The following SOX6 variants were observed in gnomAD, a reference collection of about 807,000 sequenced individuals.
The protein encoded by SOX6 is SRY-box transcription factor 6.
In SOX6, 11 loss-of-function variants were observed where a neutral mutation model predicts 97.8. The observed-to-expected ratio is 0.11, with a 90% CI of 0.07 to 0.19. The LOEUF (loss-of-function observed/expected upper bound fraction) is 0.19. Among genes scored for constraint, SOX6 ranks in the 10% least tolerant of loss-of-function variants. The pLI, the probability that SOX6 is intolerant of heterozygous loss-of-function variation, is 1.00. For missense variants in SOX6, 810 were observed against 1,039.5 expected (o/e 0.78, Z 3.04); for synonymous variants, 360 against 371.4 (o/e 0.97, Z 0.35).
chr11:16,699,742 A>G (rs920342341), intron 3 of SOX6, among the ~76,000 whole-genome samples: 1 of 152,178 alleles, frequency 6.6e-6, no homozygotes, highest in Non-Finnish European at 1.5e-5. Flanking sequence ...CTTACATCAC[A>G]GAACATTCTT....
At chr11:16,322,980 AAAG>A (rs1187511331) in intron 2 of SOX6, among the ~76,000 whole-genome samples, 1 of 152,208 alleles carries the variant, frequency 6.6e-6, no homozygotes, top group Non-Finnish European at 1.5e-5. Context: ...ACATCACAAA[AAAG>A]AAGAACATGT....
At chr11:16,006,843 G>T (rs1395579573) in intron 13 of SOX6, among the ~76,000 whole-genome samples, 1 of 151,980 alleles carries the variant, frequency 6.6e-6, no homozygotes, top group Non-Finnish European at 1.5e-5. Flanking sequence ...TAACAGTATG[G>T]TGTTATGAGA....
intron 4 of SOX6, among the ~76,000 whole-genome samples, chr11:16,554,203 A>G (rs1847726072): frequency 6.6e-6 from 1 of 152,174 alleles, no homozygotes; most frequent in Admixed American, 6.6e-5. Context: ...CTGTGAACTA[A>G]TAACAAAAAT....
chr11:16,555,027 A>G (rs923600389), intron 4 of SOX6, among the ~76,000 whole-genome samples: 1 of 152,050 alleles, frequency 6.6e-6, no homozygotes, highest in African/African-American at 2.4e-5. Context: ...GACTACTTAA[A>G]AGATGTACAA....
intron 3 of SOX6, among the ~76,000 whole-genome samples, chr11:16,254,163 C>A (rs1318523990): frequency 6.6e-6 from 1 of 151,698 alleles, no homozygotes; most frequent in Non-Finnish European, 1.5e-5. Context: ...TGAAGACTTT[C>A]TCAGACAAAT....
intron 1 of SOX6, among the ~76,000 whole-genome samples, chr11:16,350,176 C>T (rs1259361759): frequency 2.0e-5 from 3 of 152,188 alleles, no homozygotes; most frequent in African/African-American, 7.2e-5. Flanking sequence ...TCAGTCTCAA[C>T]TGGTGTTCCT....
At chr11:16,118,983 G>A (rs1339043986) in intron 6 of SOX6, among the ~76,000 whole-genome samples, 4 of 152,148 alleles carry the variant, frequency 2.6e-5, no homozygotes, top group Non-Finnish European at 4.4e-5. Context: ...AGAAAATAGA[G>A]AGTTCAGAAA....
At chr11:16,719,021 G>T (rs567952938) in intron 2 of SOX6, among the ~76,000 whole-genome samples, 2 of 147,896 alleles carry the variant, frequency 1.4e-5, no homozygotes, top group East Asian at 3.9e-4. Flanking sequence ...AAATCCAAAG[G>T]TATACACTTA....
At chr11:16,167,526 C>T (rs772021550) in intron 6 of SOX6, among the ~76,000 whole-genome samples, 2 of 152,124 alleles carry the variant, frequency 1.3e-5, no homozygotes, top group Non-Finnish European at 2.9e-5. Context: ...GTCCTTACAA[C>T]GATGTAAAAG....
chr11:16,555,556 G>A (rs1337003708), intron 4 of SOX6, among the ~76,000 whole-genome samples: 1 of 151,362 alleles, frequency 6.6e-6, no homozygotes, highest in Non-Finnish European at 1.5e-5. Context: ...TTTTCTTTGT[G>A]CTGTGAACAT....
At chr11:16,036,169 TC>T (rs2133892194) in intron 12 of SOX6, among the ~76,000 whole-genome samples, 1 of 149,436 alleles carries the variant, frequency 6.7e-6, no homozygotes, top group East Asian at 2.0e-4. Context: ...AACCTCTGCC[TC>T]CTAGGTTCAA....
chr11:16,266,517 T>TTAAATA (rs1410734875), intron 3 of SOX6, among the ~76,000 whole-genome samples: 2 of 151,640 alleles, frequency 1.3e-5, no homozygotes, highest in African/African-American at 4.8e-5. Flanking sequence ...AACATGGGTG[T>TTAAATA]ATATTTAATT....
In SOX6 at chr11:16,549,030, A is replaced by C. The variant is rs142268410; in HGVS notation, n.609+63051T>G. 5.3e-5 allele frequency among the ~76,000 whole-genome samples: 8 copies of C among 152,338 alleles called. No homozygotes were observed. The East Asian group carries it at 1.5e-3, about 29-fold the overall frequency. ...TCAATTTAATTAAAAATAATAATAAATTTGAAAAGACATTGCTCCAAAGAG... is the reference window on the plus strand; with the variant it reads ...TCAATTTAATTAAAAATAATAATAACTTTGAAAAGACATTGCTCCAAAGAG... On this transcript the variant is annotated intron_variant and non_coding_transcript_variant, in intron 4 of 5. Coordinates refer to the SOX6 transcript ENST00000524520.
chr11:16,054,410 T>G (rs1197195467), intron 10 of SOX6, among the ~76,000 whole-genome samples: 1 of 152,106 alleles, frequency 6.6e-6, no homozygotes, highest in Non-Finnish European at 1.5e-5. Flanking sequence ...AACTTCCTAT[T>G]GTCATATCTC....
chr11:16,674,754 C>T (rs1270348250), intron 3 of SOX6, among the ~76,000 whole-genome samples: 1 of 152,176 alleles, frequency 6.6e-6, no homozygotes, highest in African/African-American at 2.4e-5. Context: ...AGTTCAAGAC[C>T]AGCCTGGCCA....
intron 1 of SOX6, among the ~76,000 whole-genome samples, chr11:16,427,782 A>G (rs1054576868): frequency 3.3e-5 from 5 of 152,230 alleles, no homozygotes; most frequent in Admixed American, 6.5e-5. Flanking sequence ...TAGTGCCGCA[A>G]TAAACATATG....
rs113248285 is a variant in SOX6 at position 16,140,789 on chromosome 11, T to C, written c.778-28866A>G. 6.8e-3 allele frequency among the ~76,000 whole-genome samples: 1,038 copies of C among 152,322 alleles called. 6 individuals carry two copies. The highest frequency in any genetic ancestry group is 0.01 in the Non-Finnish European group (693 of 68,028). On this transcript the variant is annotated intron_variant, in intron 6 of 15. Transcript: ENST00000683767. ...TAGCTATTGGGCCTTCAGTGTTATG[T>C]TCTGCCATGAATAGTGGAGAAATGT...
intron 3 of SOX6, among the ~76,000 whole-genome samples, chr11:16,633,379 T>G (rs1009557211): frequency 6.6e-6 from 1 of 152,188 alleles, no homozygotes. Context: ...TCTGAAACAG[T>G]TTAAAATCAG....
chr11:16,527,025 C>A (rs1861177904), intron 4 of SOX6, among the ~76,000 whole-genome samples: 1 of 152,024 alleles, frequency 6.6e-6, no homozygotes, highest in South Asian at 2.1e-4. Flanking sequence ...TACAGTAGAT[C>A]CCAATCCAAA....
Sources: allele counts gnomAD v4.1 joint callset (sites outside exome capture counted in the v4.1 genomes callset), GRCh38; gene constraint gnomAD v4.1.1; transcripts MANE v1.5; gene names NCBI Gene and HGNC (gene_info 2026-07-23, HGNC 2026-07-21).